ACP6: variants seen among roughly 807,000 people sequenced by gnomAD.
The protein encoded by ACP6 is acid phosphatase 6, lysophosphatidic.
Under a neutral mutation model 48.1 loss-of-function variants are expected in ACP6, and 48 were observed. The observed-to-expected ratio is 1.00, with a 90% CI of 0.79 to 1.27. The LOEUF is 1.27. Among genes scored for constraint, ACP6 ranks in the 50% most tolerant of loss-of-function variants. The pLI is 0.00. For missense variants in ACP6, 485 were observed against 529.1 expected, an observed-to-expected ratio of 0.92 and a Z score of 0.82; for synonymous variants, 172 against 204.2, an observed-to-expected ratio of 0.84 and a Z score of 1.34.
chr1:147,653,532 G>A (rs1312153259), intron 6 of ACP6, among the ~76,000 whole-genome samples: 5 of 151,672 alleles, frequency 3.3e-5, no homozygotes, highest in African/African-American at 1.2e-4. Context: ...TAAAAAATAC[G>A]CCATACAAAT....
intron 1 of ACP6, 55 bp from the exon 2 acceptor site, chr1:147,659,830 T>C (rs2275552): frequency 0.7 from 1,118,203 of 1,589,610 alleles, 394,821 homozygotes; most frequent in Admixed American, 0.8. Flanking sequence ...TTGAAATGTA[T>C]AGCATTAACA....
At chr1:147,639,907 T>A (rs959424916), downstream of ACP6, among the ~76,000 whole-genome samples, 1 of 152,058 alleles carries the variant, frequency 6.6e-6, no homozygotes, top group East Asian at 1.9e-4. Flanking sequence ...GGCCCCAGCC[T>A]CCCGGCACAC....
chr1:147,662,194 C>T (rs2148914336), intron 1 of ACP6, among the ~76,000 whole-genome samples: 1 of 152,334 alleles, frequency 6.6e-6, no homozygotes, highest in East Asian at 1.9e-4. Flanking sequence ...CCTAGTCACC[C>T]AAAGGCGCTA....
intron 4 of ACP6, among the ~76,000 whole-genome samples, chr1:147,657,453 C>G (rs1338405711): frequency 3.3e-5 from 5 of 152,192 alleles, no homozygotes; most frequent in Middle Eastern, 3.4e-3. Flanking sequence ...GATGGAGTCT[C>G]GCTGTCACCC....
At chr1:147,632,409 T>A (rs1659194539) in intron 5 of ACP6, among the ~76,000 whole-genome samples, 1 of 151,916 alleles carries the variant, frequency 6.6e-6, no homozygotes, top group South Asian at 2.1e-4. Context: ...GGAAGAAGGA[T>A]CCATATGAGC....
At chr1:147,638,072 G>A (rs1207802601), downstream of ACP6, among the ~76,000 whole-genome samples, 2 of 152,160 alleles carry the variant, frequency 1.3e-5, no homozygotes, top group Non-Finnish European at 2.9e-5. Context: ...AGTACAAATT[G>A]AGTCCCTACT....
downstream of ACP6, among the ~76,000 whole-genome samples, chr1:147,639,127 G>C (rs1659383490): frequency 6.6e-6 from 1 of 152,178 alleles, no homozygotes; most frequent in Non-Finnish European, 1.5e-5. Context: ...AGAGTGCTAG[G>C]ATTACAGGTG....
intron 4 of ACP6, among the ~76,000 whole-genome samples, chr1:147,658,426 G>C (rs1416815382): frequency 1.3e-5 from 2 of 152,274 alleles, no homozygotes; most frequent in East Asian, 3.9e-4. Flanking sequence ...ATCCATGAGG[G>C]AAAATAATTA....
At chr1:147,662,793 T>C (rs1458209299) in intron 1 of ACP6, among the ~76,000 whole-genome samples, 6 of 152,242 alleles carry the variant, frequency 3.9e-5, no homozygotes, top group Non-Finnish European at 8.8e-5. Context: ...AAAGATGTTC[T>C]ATTGTGGGTA....
At chr1:147,639,591 A>G (rs1238106201), downstream of ACP6, among the ~76,000 whole-genome samples, 2 of 152,188 alleles carry the variant, frequency 1.3e-5, no homozygotes, top group Admixed American at 1.3e-4. Context: ...GGCATCCCCC[A>G]GCTGCTTTTC....
Position 147,654,229 on chromosome 1 carries a change from A to C in ACP6, c.745T>G (p.Phe249Val), listed in dbSNP as rs782473850. 2 of 1,614,242 alleles carry C rather than the reference A, an allele frequency of 1.2e-6. No individual in the cohort carries two copies. The highest frequency in any genetic ancestry group is 1.7e-6 in the Non-Finnish European group (2 of 1,180,034). ...GCCACGTTGTCCAGGAGGATGAAGA[A>C]GTCCACTTTATCACTACTGTCAATG... ...MGIDSSDKVDFFILLDNVAAE... is the reference protein window; with the variant it reads ...MGIDSSDKVDVFILLDNVAAE... Residue 249 changes from phenylalanine to valine, a missense_variant, in exon 6 of 10, where the codon TTC becomes GTC. Physicochemically the swap from Phe to Val is conservative, Grantham distance 50 (BLOSUM62 -1). Coordinates refer to ENST00000583509, the MANE Select transcript of ACP6 (RefSeq NM_016361.5).
chr1:147,630,051 C>A (rs1376199623), exon 6 of ACP6: 1 of 152,182 alleles, frequency 6.6e-6, no homozygotes, highest in Non-Finnish European at 1.5e-5. Context: ...AGTTATTTCA[C>A]CAAACACGAA....
chr1:147,667,604 C>T (rs1553213856), intron 1 of ACP6, among the ~76,000 whole-genome samples: 1 of 152,134 alleles, frequency 6.6e-6, no homozygotes, highest in Non-Finnish European at 1.5e-5. Context: ...ATCTATAAAC[C>T]AGTCAGAAAT....
At chr1:147,649,372 T>A (rs2148903523) in intron 8 of ACP6, among the ~76,000 whole-genome samples, 1 of 152,168 alleles carries the variant, frequency 6.6e-6, no homozygotes, top group Non-Finnish European at 1.5e-5. Flanking sequence ...CTAGGACACA[T>A]AATATTCCAC....
intron 5 of ACP6, among the ~76,000 whole-genome samples, chr1:147,633,651 A>T (rs1553207660): frequency 6.6e-6 from 1 of 151,982 alleles, no homozygotes; most frequent in African/African-American, 2.4e-5. Context: ...AATTCTAGTT[A>T]TTCCTATTTA....
intron 6 of ACP6, among the ~76,000 whole-genome samples, chr1:147,652,837 G>GC (rs1553210847): frequency 6.7e-6 from 1 of 150,352 alleles, no homozygotes; most frequent in African/African-American, 2.5e-5. Context: ...TGTTTTTTTG[G>GC]TTTTTTTGAG....
chr1:147,658,133 A>C (rs1660349769), intron 4 of ACP6, among the ~76,000 whole-genome samples: 1 of 152,232 alleles, frequency 6.6e-6, no homozygotes, highest in Non-Finnish European at 1.5e-5. Flanking sequence ...CTACAGCCAG[A>C]ACTAGCAGCA....
intron 5 of ACP6, among the ~76,000 whole-genome samples, chr1:147,632,194 AACACACACAC>A (rs71584653): frequency 6.9e-6 from 1 of 145,930 alleles, no homozygotes; most frequent in Non-Finnish European, 1.5e-5. Flanking sequence ...ACCTATGCCC[AACACACACAC>A]ACACACACAC....
chr1:147,650,353 T>C lies in ACP6; in HGVS notation c.882-115A>G, dbSNP rs587689616. 4 of 675,634 alleles carry C rather than the reference T, an allele frequency of 5.9e-6. No individual in the cohort carries two copies. In the East Asian group the frequency reaches 1.3e-4, roughly 22 times the overall value. The allele number at this position is 675,634 out of a possible 1,614,324, so 41.9% of individuals were successfully genotyped here. ...CAGACAGAGCTGAGAAAAAGGCAAGTAATGCATAAGGGCCAGCAACGGGCC... is the reference window on the plus strand; with the variant it reads ...CAGACAGAGCTGAGAAAAAGGCAAGCAATGCATAAGGGCCAGCAACGGGCC... On this transcript the variant is annotated intron_variant, in intron 7 of 9. Coordinates refer to ENST00000583509, the MANE Select transcript of ACP6 (RefSeq NM_016361.5).
Sources: gnomAD v4.1 joint callset for allele counts (sites outside exome capture counted in the v4.1 genomes callset) on GRCh38, gnomAD v4.1.1 for gene constraint, MANE v1.5 for transcripts, NCBI Gene and HGNC (gene_info 2026-07-23, HGNC 2026-07-21) for gene names.